FLI1: variants seen among roughly 807,000 people sequenced by gnomAD.
The protein encoded by FLI1 is Fli-1 proto-oncogene, ETS transcription factor, also known as Friend leukemia integration 1 transcription factor.
FLI1 carries 13 observed loss-of-function variants against 53.1 expected under a neutral mutation model. The ratio of observed to expected loss-of-function variants is 0.24; its 90% CI spans 0.16 to 0.39. The LOEUF (loss-of-function observed/expected upper bound fraction) is 0.39, where lower values mean the gene tolerates loss of function less well. FLI1 is among the 10% of genes least tolerant of loss of function. The pLI is 1.00. For synonymous variants in FLI1, 244 were observed against 236.7 expected (o/e 1.03, Z -0.28); for missense variants, 424 against 600.5 (o/e 0.71, Z 3.07).
chr11:128,790,376 C>A (rs1162123473), intron 5 of FLI1, among the ~76,000 whole-genome samples: 1 of 150,892 alleles, frequency 6.6e-6, no homozygotes, highest in Non-Finnish European at 1.5e-5. Flanking sequence ...GAACTGGAAA[C>A]AAAGACTCGT....
intron 7 of FLI1, 128 bp downstream of exon 7, chr11:128,807,367 A>AGACCC: frequency 7.3e-6 from 4 of 546,024 alleles, no homozygotes; most frequent in Non-Finnish European, 9.4e-6. Context: ...AAGAGGGTCT[A>AGACCC]TCTTTGACCC....
At chr11:128,766,846 G>A (rs890078252) in intron 2 of FLI1, among the ~76,000 whole-genome samples, 1 of 152,018 alleles carries the variant, frequency 6.6e-6, no homozygotes, top group African/African-American at 2.4e-5. Context: ...AACCTTATCT[G>A]AACTCCTTGG....
intron 5 of FLI1, among the ~76,000 whole-genome samples, chr11:128,799,777 A>T (rs1428256292): frequency 6.6e-6 from 1 of 152,196 alleles, no homozygotes; most frequent in Non-Finnish European, 1.5e-5. Context: ...CGGGCAGTGC[A>T]GCAGTTCTCA....
At chr11:128,721,187 C>G (rs1040859323) in intron 1 of FLI1, among the ~76,000 whole-genome samples, 1 of 152,212 alleles carries the variant, frequency 6.6e-6, no homozygotes, top group South Asian at 2.1e-4. Flanking sequence ...CCACAGACAG[C>G]TGGAATGGTC....
At position 128,772,993 on chromosome 11, in the gene FLI1, C is replaced by T. The variant is rs543875895; in HGVS notation, c.589+8C>T. The T allele has an allele frequency of 3.0e-5, 49 of 1,611,934 alleles. 1 individual carries two copies. The South Asian group carries it at 4.6e-4, about 15-fold the overall frequency. ...TCAGTTACCTCAGGGAAAGTAAGTG[C>T]CGCCCAAGTACCCAGGGCTGGGAGG... is the stretch of plus-strand genomic sequence containing the variant. On this transcript the variant is annotated splice_region_variant and intron_variant, in intron 4 of 8. Transcript: ENST00000527786.
chr11:128,685,327 GC>G (rs1865781827), upstream of FLI1, among the ~76,000 whole-genome samples: 1 of 152,208 alleles, frequency 6.6e-6, no homozygotes, highest in African/African-American at 2.4e-5. Context: ...TCCTGGAGCT[GC>G]CCGGAGTTCC....
intron 5 of FLI1, among the ~76,000 whole-genome samples, chr11:128,787,050 T>C (rs1591812834): frequency 1.3e-5 from 2 of 152,072 alleles, no homozygotes; most frequent in Non-Finnish European, 2.9e-5. Context: ...GCATGCTAAG[T>C]ATGGAAAAGA....
intron 5 of FLI1, among the ~76,000 whole-genome samples, chr11:128,791,272 C>G (rs918575716): frequency 1.3e-5 from 2 of 152,184 alleles, no homozygotes; most frequent in Non-Finnish European, 2.9e-5. Context: ...CCTGTCTACT[C>G]TATCTTCAAC....
intron 1 of FLI1, among the ~76,000 whole-genome samples, chr11:128,697,664 T>C (rs1938144295): frequency 6.6e-6 from 1 of 152,258 alleles, no homozygotes; most frequent in African/African-American, 2.4e-5. Context: ...TGGATACACA[T>C]TAATTGAACT....
At chr11:128,722,499 G>A (rs1160095538) in intron 1 of FLI1, among the ~76,000 whole-genome samples, 1 of 152,188 alleles carries the variant, frequency 6.6e-6, no homozygotes, top group Non-Finnish European at 1.5e-5. Flanking sequence ...AAACACTGCA[G>A]GATTTGCTTG....
chr11:128,718,661 T>G (rs1462326944), intron 1 of FLI1, among the ~76,000 whole-genome samples: 1 of 152,218 alleles, frequency 6.6e-6, no homozygotes, highest in Non-Finnish European at 1.5e-5. Context: ...TGGTTTGGGT[T>G]TTTTTAGCTT....
Position 128,707,576 on chromosome 11 carries a change from C to A in FLI1, c.18+13300C>A, listed in dbSNP as rs648566. On this transcript the variant is annotated intron_variant, in intron 1 of 8. Transcript: ENST00000527786. ...GCTGCTCTGGGCTTCTAAGCCATTC[C>A]TTTTGGAGACTGTGGGTCTCTATAA... Among the ~76,000 whole-genome samples, 4 of 151,962 alleles carry A rather than the reference C, an allele frequency of 2.6e-5. No individual in the cohort carries two copies. In the South Asian group the frequency reaches 6.2e-4, roughly 24 times the overall value.
intron 1 of FLI1, among the ~76,000 whole-genome samples, chr11:128,729,380 A>G (rs1159843384): frequency 6.6e-6 from 1 of 152,228 alleles, no homozygotes; most frequent in Non-Finnish European, 1.5e-5. Context: ...AAGTTGTCAA[A>G]GATCAGATAA....
In FLI1 at chr11:128,743,405, TAAAAAAAAAAAA is replaced by T. The variant is rs373125181; in HGVS notation, c.19-14700_19-14689del. 7.8e-3 allele frequency among the ~76,000 whole-genome samples: 712 copies of T among 91,576 alleles called. 6 individuals carry two copies. The highest frequency in any genetic ancestry group is 0.027 in the African/African-American group (678 of 25,480). 60.1% of individuals were successfully genotyped at this position (91,576 alleles called of 152,430 possible). ...GGGCAACATGGCAAGACCATGTCTC[TAAAAAAAAAAAA>T]AAAAAAAAAGAACTTGACCACTTGG... On this transcript the variant is annotated intron_variant, in intron 1 of 8. Coordinates refer to ENST00000527786, the MANE Select transcript of FLI1 (RefSeq NM_002017.5).
rs779389569 is a variant in FLI1 at position 128,758,222 on chromosome 11, C to T, written c.126C>T (p.Tyr42=). 21 of 1,613,142 alleles carry T rather than the reference C, an allele frequency of 1.3e-5. No homozygotes were observed. The highest frequency in any genetic ancestry group is 5.5e-5 in the South Asian group (5 of 90,880). Reference sequence around the variant, plus strand: ...TGACTGCCTCGGGGAGTCCTGACTACGGGCAGCCCCACAAGATCAACCCCC... The same window carrying T: ...TGACTGCCTCGGGGAGTCCTGACTATGGGCAGCCCCACAAGATCAACCCCC... The part of the protein sequence containing the change: ...ADMTASGSPD[Y]GQPHKINPLP... The change falls in exon 2 of 9, where the codon TAC becomes TAT. Residue 42 remains tyrosine (Y), a synonymous_variant. Transcript: ENST00000527786.
intron 5 of FLI1, among the ~76,000 whole-genome samples, chr11:128,786,977 C>T (rs1047622052): frequency 4.6e-5 from 7 of 152,214 alleles, no homozygotes. Flanking sequence ...CACAGCCCCA[C>T]TGCAAGCGGA....
intron 1 of FLI1, among the ~76,000 whole-genome samples, chr11:128,698,711 CGTGTGT>C (rs10557859): frequency 1.4e-5 from 2 of 144,440 alleles, no homozygotes; most frequent in African/African-American, 5.2e-5. Flanking sequence ...TATGTGTTTG[CGTGTGT>C]GTGTGTGTGT....
chr11:128,746,778 T>C (rs1940409215), intron 1 of FLI1, among the ~76,000 whole-genome samples: 1 of 152,142 alleles, frequency 6.6e-6, no homozygotes, highest in African/African-American at 2.4e-5. Context: ...AGTCTGACCA[T>C]TTATCATCAT....
At chr11:128,808,896 A>G (rs1210229534) in intron 7 of FLI1, among the ~76,000 whole-genome samples, 1 of 152,234 alleles carries the variant, frequency 6.6e-6, no homozygotes, top group African/African-American at 2.4e-5. Flanking sequence ...TAATGACAAC[A>G]TAATCTGCAC....
Sources: allele counts gnomAD v4.1 joint callset (sites outside exome capture counted in the v4.1 genomes callset), GRCh38; gene constraint gnomAD v4.1.1; transcripts MANE v1.5; gene names NCBI Gene and HGNC (gene_info 2026-07-23, HGNC 2026-07-21).